KAZN: variants seen among roughly 807,000 people sequenced by gnomAD.
KAZN encodes kazrin, periplakin interacting protein.
Under a neutral mutation model 87.4 loss-of-function variants are expected in KAZN, and 40 were observed. The ratio of observed to expected loss-of-function variants is 0.46; its 90% confidence interval spans 0.36 to 0.60. The LOEUF (loss-of-function observed/expected upper bound fraction) is 0.60. KAZN is among the 20% of genes least tolerant of loss of function. The pLI, the probability that KAZN is intolerant of heterozygous loss-of-function variation, is 0.00. For synonymous variants in KAZN, 466 were observed against 458.3 expected (o/e 1.02, Z -0.22); for missense variants, 898 against 1,073.9 (o/e 0.84, Z 2.29).
chr1:14,587,057 GC>G (rs1675895132), intron 2 of KAZN, among the ~76,000 whole-genome samples: 1 of 152,166 alleles, frequency 6.6e-6, no homozygotes, highest in South Asian at 2.1e-4. Context: ...AATCCCTGAA[GC>G]AGAAGATTAA....
chr1:14,328,565 T>C (rs533127189), intron 2 of KAZN, among the ~76,000 whole-genome samples: 4 of 151,378 alleles, frequency 2.6e-5, no homozygotes, highest in African/African-American at 9.7e-5. Context: ...TAGCTGGGCG[T>C]GGTGGTGAGC....
chr1:14,082,573 C>T (rs760928123), intron 1 of KAZN, among the ~76,000 whole-genome samples: 1 of 152,148 alleles, frequency 6.6e-6, no homozygotes, highest in East Asian at 1.9e-4. Flanking sequence ...AAGCCCTGCC[C>T]AGGAAGGATA....
In KAZN at chr1:14,813,528, T is replaced by C. The variant is rs186685208; in HGVS notation, c.227-147156T>C. 2.6e-5 allele frequency among the ~76,000 whole-genome samples: 4 copies of C among 152,306 alleles called. No individual in the cohort carries two copies. The East Asian group carries it at 7.7e-4, about 29-fold the overall frequency. ...TGGAAGCGGATCTTCTGGTTCCCAT[T>C]TGCGACCCCTCGGTTAATGCCATGT... is the stretch of plus-strand genomic sequence containing the variant. On this transcript the variant is annotated intron_variant, in intron 1 of 14. Transcript: ENST00000376030.
intron 2 of KAZN, among the ~76,000 whole-genome samples, chr1:14,312,067 G>A (rs767672651): frequency 6.6e-6 from 1 of 152,140 alleles, no homozygotes; most frequent in African/African-American, 2.4e-5. Context: ...TCTGACAACA[G>A]TGTGAAAAAA....
chr1:14,001,614 C>G (rs1557774588), intron 1 of KAZN, among the ~76,000 whole-genome samples: 1 of 152,200 alleles, frequency 6.6e-6, no homozygotes, highest in African/African-American at 2.4e-5. Context: ...TACTGCAAGG[C>G]TACAGTAACC....
chr1:15,083,214 T>G (rs1455297186), intron 8 of KAZN, among the ~76,000 whole-genome samples: 1 of 152,190 alleles, frequency 6.6e-6, no homozygotes, highest in Admixed American at 6.5e-5. Flanking sequence ...GACAGGCATG[T>G]GGACTCAAGC....
At chr1:14,368,976 C>A (rs757045806) in intron 2 of KAZN, among the ~76,000 whole-genome samples, 1 of 152,098 alleles carries the variant, frequency 6.6e-6, no homozygotes, top group African/African-American at 2.4e-5. Flanking sequence ...TCCGGGTCAC[C>A]TTTCTTTGGT....
chr1:13,976,007 C>A (rs1052938508), intron 1 of KAZN, among the ~76,000 whole-genome samples: 2 of 152,184 alleles, frequency 1.3e-5, no homozygotes, highest in African/African-American at 4.8e-5. Context: ...TTGCACCCTG[C>A]CTTGAATTCA....
chr1:14,570,483 A>G (rs1251240304), intron 2 of KAZN, among the ~76,000 whole-genome samples: 3 of 152,174 alleles, frequency 2.0e-5, no homozygotes, highest in East Asian at 3.8e-4. Flanking sequence ...TATAAGTGGA[A>G]TTGTACAACT....
intron 2 of KAZN, among the ~76,000 whole-genome samples, chr1:14,999,501 T>TCC (rs1049861453): frequency 9.4e-5 from 7 of 74,672 alleles, no homozygotes; most frequent in African/African-American, 4.4e-4. Context: ...CCTGCCCCCC[T>TCC]CCCCCCGCCC....
chr1:14,623,513 C>T (rs529861300), intron 1 of KAZN, among the ~76,000 whole-genome samples: 30 of 152,246 alleles, frequency 2.0e-4, no homozygotes, highest in Middle Eastern at 3.4e-3. Flanking sequence ...GGATGATTAT[C>T]GGGTATTGAA....
At chr1:14,410,236 AG>A (rs932205800) in intron 2 of KAZN, among the ~76,000 whole-genome samples, 1 of 152,156 alleles carries the variant, frequency 6.6e-6, no homozygotes, top group African/African-American at 2.4e-5. Flanking sequence ...CCAGAGTAGC[AG>A]GGACTACAGG....
chr1:14,642,243 C>CA (rs1360532760), intron 1 of KAZN, among the ~76,000 whole-genome samples: 2 of 151,912 alleles, frequency 1.3e-5, no homozygotes, highest in Admixed American at 6.6e-5. Context: ...ACTAAAAATA[C>CA]AAAAAAATTA....
At chr1:14,940,898 CTTTTTTTT>C (rs66777443) in intron 1 of KAZN, among the ~76,000 whole-genome samples, 73 of 54,398 alleles carry the variant, frequency 1.3e-3, no homozygotes, top group Non-Finnish European at 2.1e-3. Context: ...TTCTACCTTT[CTTTTTTTT>C]TTTTTTTTTT....
At chr1:14,997,256 T>G (rs1180177679) in intron 2 of KAZN, among the ~76,000 whole-genome samples, 1 of 142,904 alleles carries the variant, frequency 7.0e-6, no homozygotes, top group Admixed American at 7.3e-5. Context: ...TTTATTTATT[T>G]TGAGACAAAG....
chr1:13,919,253 T>C (rs1246805350), intron 1 of KAZN, among the ~76,000 whole-genome samples: 1 of 152,234 alleles, frequency 6.6e-6, no homozygotes, highest in Non-Finnish European at 1.5e-5. Context: ...TCCTGACTTC[T>C]TCCAATATAG....
intron 2 of KAZN, among the ~76,000 whole-genome samples, chr1:14,204,351 A>G (rs533133313): frequency 1.3e-5 from 2 of 152,326 alleles, no homozygotes; most frequent in Admixed American, 1.3e-4. Context: ...CTGACCTTTG[A>G]AAAAGAAATC....
intron 1 of KAZN, among the ~76,000 whole-genome samples, chr1:14,777,481 C>G (rs1645214564): frequency 6.6e-6 from 1 of 152,174 alleles, no homozygotes; most frequent in African/African-American, 2.4e-5. Context: ...AGGATCAATG[C>G]CAATCCCAAT....
At chr1:14,819,713 T>G (rs1217245824) in intron 1 of KAZN, among the ~76,000 whole-genome samples, 1 of 149,006 alleles carries the variant, frequency 6.7e-6, no homozygotes, top group African/African-American at 2.5e-5. Context: ...AATCTTTTTT[T>G]TTTTTTTTTT....
Sources: gnomAD v4.1 joint callset for allele counts (sites outside exome capture counted in the v4.1 genomes callset) on GRCh38, gnomAD v4.1.1 for gene constraint, MANE v1.5 for transcripts, NCBI Gene and HGNC (gene_info 2026-07-23, HGNC 2026-07-21) for gene names.